The following SGCD variants were observed in gnomAD, a reference collection of about 807,000 sequenced individuals.
The protein encoded by SGCD is delta-sarcoglycan.
SGCD carries 18 observed loss-of-function variants against 36.6 expected under a neutral mutation model. That is an observed-to-expected ratio of 0.49 (90% CI 0.34 to 0.73). SGCD has a LOEUF of 0.73. SGCD is among the 30% of genes least tolerant of loss of function. The probability of loss-of-function intolerance (pLI) is 0.01; values close to 1 mark genes in which losing one functional copy is unlikely to be tolerated. For synonymous variants in SGCD, 133 were observed against 130.6 expected (o/e 1.02, Z -0.12); for missense variants, 387 against 346.7 (o/e 1.12, Z -0.92).
At chr5:155,966,219 C>T (rs1025149533) in intron 1 of SGCD, among the ~76,000 whole-genome samples, 1 of 152,124 alleles carries the variant, frequency 6.6e-6, no homozygotes, top group Non-Finnish European at 1.5e-5. Context: ...CGTGAGACCA[C>T]ATCACCTTGA....
intron 2 of SGCD, among the ~76,000 whole-genome samples, chr5:156,119,031 C>A (rs1212792797): frequency 6.6e-6 from 1 of 152,116 alleles, no homozygotes; most frequent in Non-Finnish European, 1.5e-5. Context: ...CTGAGGCTGA[C>A]CACCTGTGGT....
chr5:156,199,202 G>A (rs1764087613), intron 3 of SGCD, among the ~76,000 whole-genome samples: 1 of 152,120 alleles, frequency 6.6e-6, no homozygotes, highest in South Asian at 2.1e-4. Flanking sequence ...AGCCATTTCA[G>A]TGAATCAAGA....
chr5:156,715,210 G>A (rs1045700499), intron 7 of SGCD, among the ~76,000 whole-genome samples: 9 of 152,150 alleles, frequency 5.9e-5, no homozygotes, highest in African/African-American at 2.2e-4. Context: ...GGGAAAGTAG[G>A]AAATAGGTAA....
the SGCD span, among the ~76,000 whole-genome samples, chr5:155,781,565 G>A: frequency 2.0e-5 from 3 of 152,232 alleles, no homozygotes; most frequent in African/African-American, 4.8e-5. Flanking sequence ...GAGTACCAGC[G>A]ATCCTGCCAC....
chr5:156,402,221 G>A (rs1159967718), intron 3 of SGCD, among the ~76,000 whole-genome samples: 2 of 152,100 alleles, frequency 1.3e-5, no homozygotes, highest in African/African-American at 4.8e-5. Flanking sequence ...ATGTTGCTAT[G>A]AACATTCATG....
intron 2 of SGCD, among the ~76,000 whole-genome samples, chr5:156,335,763 C>A (rs1237030826): frequency 1.3e-5 from 2 of 152,138 alleles, no homozygotes; most frequent in African/African-American, 4.8e-5. Flanking sequence ...GACTCCTGTC[C>A]TTTTTGACGC....
chr5:156,239,850 T>C (rs1180994203), intron 3 of SGCD, among the ~76,000 whole-genome samples: 1 of 152,198 alleles, frequency 6.6e-6, no homozygotes, highest in African/African-American at 2.4e-5. Context: ...ACCTATAAAC[T>C]GTTAGGGAAA....
At chr5:156,443,608 A>G (rs1305770847) in intron 3 of SGCD, among the ~76,000 whole-genome samples, 1 of 152,064 alleles carries the variant, frequency 6.6e-6, no homozygotes, top group Non-Finnish European at 1.5e-5. Flanking sequence ...GGTGTAATTA[A>G]CACCCTCATG....
intron 6 of SGCD, among the ~76,000 whole-genome samples, chr5:156,633,234 G>T (rs560647411): frequency 1.1e-4 from 17 of 152,336 alleles, no homozygotes; most frequent in Non-Finnish European, 2.2e-4. Context: ...GTTACTCACT[G>T]ACGATGTGCA....
chr5:156,297,802 AT>A, intron 3 of SGCD, among the ~76,000 whole-genome samples: 1 of 142,380 alleles, frequency 7.0e-6, no homozygotes, highest in African/African-American at 2.9e-5. Flanking sequence ...AAATAAATAA[AT>A]AAATAAATAA....
the SGCD span, among the ~76,000 whole-genome samples, chr5:155,774,833 T>C: frequency 0.09 from 13,650 of 152,152 alleles, 806 homozygotes; most frequent in South Asian, 0.2. Context: ...GTCCAGGGAT[T>C]AGGTCAAGGA....
At chr5:156,163,883 C>T (rs955890486) in intron 3 of SGCD, among the ~76,000 whole-genome samples, 1 of 151,012 alleles carries the variant, frequency 6.6e-6, no homozygotes, top group Non-Finnish European at 1.5e-5. Context: ...ATTAGCCAGG[C>T]GTGGTGGCAC....
chr5:156,372,205 A>G (rs1770421525), intron 3 of SGCD, among the ~76,000 whole-genome samples: 1 of 152,234 alleles, frequency 6.6e-6, no homozygotes. Flanking sequence ...AAATTAAAAA[A>G]CATGGCAAGA....
chr5:156,536,793 A>T (rs1455962353), intron 4 of SGCD, among the ~76,000 whole-genome samples: 1 of 152,160 alleles, frequency 6.6e-6, no homozygotes, highest in Admixed American at 6.6e-5. Context: ...TAAAACACTT[A>T]CCAATGTTTC....
intron 3 of SGCD, among the ~76,000 whole-genome samples, chr5:156,136,013 G>A (rs28589948): frequency 0.068 from 10,307 of 152,142 alleles, 673 homozygotes; most frequent in African/African-American, 0.17. Flanking sequence ...AATAAAGGTG[G>A]TAAAAACTCC....
intron 3 of SGCD, among the ~76,000 whole-genome samples, chr5:156,266,087 G>C (rs933843850): frequency 6.6e-6 from 1 of 152,120 alleles, no homozygotes; most frequent in African/African-American, 2.4e-5. Flanking sequence ...GTTTGATATG[G>C]ATAAATGTTA....
intron 3 of SGCD, among the ~76,000 whole-genome samples, chr5:156,495,228 A>G (rs1433045797): frequency 6.6e-6 from 1 of 152,130 alleles, no homozygotes; most frequent in Admixed American, 6.6e-5. Flanking sequence ...TTAAGGCTAA[A>G]CATAATTGCA....
chr5:156,525,504 T>A (rs989581522), intron 4 of SGCD, among the ~76,000 whole-genome samples: 17 of 152,232 alleles, frequency 1.1e-4, no homozygotes, highest in Middle Eastern at 6.8e-3. Context: ...TTTTCAAATA[T>A]GTTCTCACAT....
intron 1 of SGCD, among the ~76,000 whole-genome samples, chr5:155,936,316 AGAG>A (rs1382457467): frequency 1.3e-5 from 2 of 152,120 alleles, no homozygotes; most frequent in African/African-American, 4.8e-5. Flanking sequence ...AGCAAGGCGG[AGAG>A]GAGATTTATT....
Sources: gnomAD v4.1 joint callset for allele counts (sites outside exome capture counted in the v4.1 genomes callset) on GRCh38, gnomAD v4.1.1 for gene constraint, MANE v1.5 for transcripts, NCBI Gene and HGNC (gene_info 2026-07-23, HGNC 2026-07-21) for gene names.